ATG4C: variants seen among roughly 807,000 people sequenced by gnomAD.
ATG4C encodes the protein cysteine protease ATG4C.
ATG4C carries 56 observed loss-of-function variants against 57.6 expected under a neutral mutation model. The observed-to-expected ratio is 0.97, with a 90% confidence interval of 0.78 to 1.21. ATG4C has a LOEUF of 1.21. Ranked by LOEUF, ATG4C falls within the 50% of genes most tolerant of loss-of-function variation. The pLI is 0.00. For missense variants in ATG4C, 595 were observed against 529.8 expected (o/e 1.12, Z -1.21); for synonymous variants, 157 against 174.1 (o/e 0.90, Z 0.78).
At chr1:62,792,889 AT>A (rs11415231) in intron 1 of ATG4C, among the ~76,000 whole-genome samples, 72 of 144,852 alleles carry the variant, frequency 5.0e-4, no homozygotes, top group East Asian at 8.2e-4. Flanking sequence ...GGTGGTAGTG[AT>A]TTTTTTTTTT....
chr1:62,834,690 C>A, intron 8 of ATG4C, 86 bp from the exon 9 acceptor site: 1 of 1,099,890 alleles, frequency 9.1e-7, no homozygotes. Context: ...AGATTTTTTT[C>A]AGCTGTTCTA....
chr1:62,823,601 A>G (rs1025293617), intron 6 of ATG4C, among the ~76,000 whole-genome samples: 1 of 152,192 alleles, frequency 6.6e-6, no homozygotes, highest in Non-Finnish European at 1.5e-5. Flanking sequence ...ATGACTGCCC[A>G]TTAACTCCTA....
At chr1:62,854,276 T>C (rs1477616400) in intron 10 of ATG4C, among the ~76,000 whole-genome samples, 1 of 151,120 alleles carries the variant, frequency 6.6e-6, no homozygotes, top group Non-Finnish European at 1.5e-5. Context: ...CTTTTCTCTT[T>C]TTCTTTCTTT....
Position 62,804,386 on chromosome 1 carries a change from GGC to G in ATG4C, c.76+525_76+526del, listed in dbSNP as rs1158058065. 2.0e-5 allele frequency among the ~76,000 whole-genome samples: 3 copies of G among 151,832 alleles called. No homozygotes were observed. The East Asian group carries it at 5.8e-4, about 29-fold the overall frequency. ...ATTACAGGCGTGAGCCACTGGGCCT[GGC>G]CTTTTTTCCTTTTTTTTTAAGTTGC... On this transcript the variant is annotated intron_variant, in intron 2 of 10. Coordinates refer to ENST00000317868, the MANE Select transcript of ATG4C (RefSeq NM_032852.4).
At chr1:62,858,692 A>G (rs1381565441) in intron 10 of ATG4C, among the ~76,000 whole-genome samples, 3 of 152,198 alleles carry the variant, frequency 2.0e-5, no homozygotes, top group Admixed American at 2.0e-4. Context: ...AGAAAGAAAT[A>G]CTCAGCAGTG....
intron 6 of ATG4C, among the ~76,000 whole-genome samples, chr1:62,826,149 T>C (rs895293689): frequency 2.0e-5 from 3 of 151,828 alleles, no homozygotes; most frequent in African/African-American, 7.3e-5. Flanking sequence ...CCTCAAGTGA[T>C]CCACCCACCT....
At chr1:62,816,492 A>T (rs906373463) in intron 3 of ATG4C, 83 bp from the exon 4 acceptor site, 5 of 872,266 alleles carry the variant, frequency 5.7e-6, no homozygotes, top group Non-Finnish European at 8.3e-6. Flanking sequence ...GACATACTTC[A>T]CATCTTAAGA....
chr1:62,857,860 C>T (rs556296641), intron 10 of ATG4C, among the ~76,000 whole-genome samples: 11 of 152,272 alleles, frequency 7.2e-5, no homozygotes, highest in Admixed American at 5.2e-4. Flanking sequence ...ACCAAATACT[C>T]GCTTTTCTAG....
chr1:62,785,049 AC>A (rs1232875117), intron 1 of ATG4C, among the ~76,000 whole-genome samples: 2 of 152,122 alleles, frequency 1.3e-5, no homozygotes, highest in African/African-American at 4.8e-5. Context: ...ACAGAAGAAT[AC>A]CTCGTCTTAC....
intron 6 of ATG4C, 143 bp downstream of exon 6, chr1:62,821,352 T>C: frequency 2.4e-6 from 1 of 414,224 alleles, no homozygotes. Context: ...TAGTAAGCAT[T>C]TAATAAAAAT....
intron 6 of ATG4C, among the ~76,000 whole-genome samples, chr1:62,821,514 A>G (rs1026928605): frequency 6.6e-6 from 1 of 152,120 alleles, no homozygotes; most frequent in African/African-American, 2.4e-5. Context: ...GCTGGGAACC[A>G]TTTCATTGGT....
At chr1:62,788,430 T>TACACACACAC (rs10671530) in intron 1 of ATG4C, among the ~76,000 whole-genome samples, 18 of 146,552 alleles carry the variant, frequency 1.2e-4, no homozygotes, top group African/African-American at 4.5e-4. Flanking sequence ...TCTCTATAAA[T>TACACACACAC]ACACACACAC....
chr1:62,841,423 T>G lies in ATG4C; in HGVS notation c.1090-5T>G. The G allele has an allele frequency of 6.3e-7, 1 of 1,598,860 alleles. No homozygotes were observed. Among genetic ancestry groups the G allele is most frequent in the Non-Finnish European group, 8.5e-7 (1 of 1,172,812 alleles). The stretch of plus-strand genomic sequence containing the variant: ...ATTAATCCTAAAGAACTTTAAAAAT[T>G]ACAGACATTCCACTGCCCTTCTCCC... On this transcript the variant is annotated splice_polypyrimidine_tract_variant and splice_region_variant and intron_variant, in intron 9 of 10. Coordinates refer to ENST00000317868, the MANE Select transcript of ATG4C (RefSeq NM_032852.4).
intron 1 of ATG4C, among the ~76,000 whole-genome samples, chr1:62,786,823 G>C (rs1345170839): frequency 1.3e-5 from 2 of 152,128 alleles, no homozygotes; most frequent in Non-Finnish European, 2.9e-5. Flanking sequence ...AAAAGGACTT[G>C]ATGTTACACA....
At chr1:62,851,892 TTAAATCA>T (rs1477689169) in intron 10 of ATG4C, among the ~76,000 whole-genome samples, 1 of 152,098 alleles carries the variant, frequency 6.6e-6, no homozygotes. Context: ...TGGTGGTGGG[TTAAATCA>T]AGGAATAGTT....
intron 1 of ATG4C, among the ~76,000 whole-genome samples, chr1:62,787,158 G>A (rs11208030): frequency 0.17 from 25,865 of 152,088 alleles, 2,383 homozygotes; most frequent in African/African-American, 0.22. Flanking sequence ...TGGTAGCAGT[G>A]TTTAAGGTTA....
chr1:62,804,872 A>G (rs912796384), intron 2 of ATG4C, among the ~76,000 whole-genome samples: 3 of 152,244 alleles, frequency 2.0e-5, no homozygotes, highest in African/African-American at 7.2e-5. Context: ...AGAACTTGAT[A>G]AAGACCGTTA....
intron 10 of ATG4C, among the ~76,000 whole-genome samples, chr1:62,859,928 T>C (rs990303186): frequency 6.6e-6 from 1 of 152,194 alleles, no homozygotes; most frequent in African/African-American, 2.4e-5. Flanking sequence ...TATAAAGTTT[T>C]AAATTATTTT....
In ATG4C at chr1:62,818,986, T is replaced by G. The variant is rs1451210861; in HGVS notation, c.395-19T>G. ...ATCTATTTAAAAGATCTGAACACTT[T>G]GCTTTGGAACTACTATAGCTTGGAC... On this transcript the variant is annotated intron_variant, in intron 4 of 10. Transcript: ENST00000317868. The G allele has an allele frequency of 6.7e-7, 1 of 1,496,256 alleles. No individual in the cohort carries two copies. The highest frequency in any genetic ancestry group is 2.3e-5 in the East Asian group (1 of 43,696). The allele number at this position is 1,496,256 out of a possible 1,614,324, so 92.7% of individuals were successfully genotyped here. A position where few individuals can be genotyped will look rare whatever the true frequency, so the allele number is the denominator to read the frequency against.
Sources: gnomAD v4.1 joint callset for allele counts (sites outside exome capture counted in the v4.1 genomes callset) on GRCh38, gnomAD v4.1.1 for gene constraint, MANE v1.5 for transcripts, NCBI Gene and HGNC (gene_info 2026-07-23, HGNC 2026-07-21) for gene names.